Variants in SNTG1 observed in about 807,000 individuals in gnomAD.
SNTG1 encodes the protein gamma-1-syntrophin.
Under a neutral mutation model 74.7 loss-of-function variants are expected in SNTG1, and 39 were observed. That is an observed-to-expected ratio of 0.52 (90% confidence interval 0.40 to 0.68). The LOEUF (loss-of-function observed/expected upper bound fraction) is 0.68. Ranked by LOEUF, SNTG1 falls within the 30% of genes least tolerant of loss-of-function variation. SNTG1 has a pLI of 0.00. For missense variants in SNTG1, 685 were observed against 609.5 expected, an observed-to-expected ratio of 1.12 and a Z score of -1.30; for synonymous variants, 254 against 217.1, an observed-to-expected ratio of 1.17 and a Z score of -1.49.
intron 1 of SNTG1, among the ~76,000 whole-genome samples, chr8:50,028,847 G>T (rs925385988): frequency 6.6e-6 from 1 of 151,810 alleles, no homozygotes; most frequent in Non-Finnish European, 1.5e-5. Flanking sequence ...TTCCATTATT[G>T]TCTTAATTTG....
intron 1 of SNTG1, among the ~76,000 whole-genome samples, chr8:50,014,079 G>A (rs950090185): frequency 5.9e-5 from 9 of 152,078 alleles, no homozygotes; most frequent in East Asian, 3.8e-4. Context: ...CAGCAGGCCC[G>A]GTGATGTTTT....
intron 2 of SNTG1, among the ~76,000 whole-genome samples, chr8:50,282,173 G>T (rs1165679041): frequency 6.6e-6 from 1 of 152,010 alleles, no homozygotes; most frequent in African/African-American, 2.4e-5. Flanking sequence ...CCAGAGAAAT[G>T]TCAGCCCCAA....
chr8:50,558,253 G>T (rs1374529217), intron 12 of SNTG1, among the ~76,000 whole-genome samples: 1 of 152,180 alleles, frequency 6.6e-6, no homozygotes, highest in Non-Finnish European at 1.5e-5. Context: ...CAGCTGCATG[G>T]CCAGGGGGGC....
At chr8:50,742,054 T>C (rs1274215029) in intron 17 of SNTG1, among the ~76,000 whole-genome samples, 1 of 151,992 alleles carries the variant, frequency 6.6e-6, no homozygotes, top group African/African-American at 2.4e-5. Flanking sequence ...TCGTAGATTA[T>C]AACAAATGCA....
intron 1 of SNTG1, among the ~76,000 whole-genome samples, chr8:50,018,669 G>A (rs1816557526): frequency 6.6e-6 from 1 of 151,958 alleles, no homozygotes; most frequent in Admixed American, 6.6e-5. Context: ...AAAAACTTGT[G>A]TATCAAAGAG....
chr8:50,033,723 G>A (rs1310091677), intron 1 of SNTG1, among the ~76,000 whole-genome samples: 7 of 151,912 alleles, frequency 4.6e-5, no homozygotes, highest in Non-Finnish European at 8.8e-5. Flanking sequence ...TTGTAAGAAC[G>A]CCAGTCAGAT....
chr8:50,376,750 TATATATAG>T lies in SNTG1; in HGVS notation c.-27-17460_-27-17453del, dbSNP rs1427958041. ...TAAATTATATATATATATATATATA[TATATATAG>T]AGAGAGAGAGAGAGAGAGAGAGAGA... On this transcript the variant is annotated intron_variant, in intron 2 of 18. Transcript: ENST00000642720. Among the ~76,000 whole-genome samples, 315 of 102,736 alleles carry T rather than the reference TATATATAG, an allele frequency of 3.1e-3. 1 individual carries two copies. The highest frequency in any genetic ancestry group is 7.5e-3 in the South Asian group (23 of 3,058). The allele number at this position is 102,736 out of a possible 152,430, so 67.4% of individuals were successfully genotyped here. A position where few individuals can be genotyped will look rare whatever the true frequency, so the allele number is the denominator to read the frequency against.
Position 50,558,013 on chromosome 8 carries a change from G to A in SNTG1, c.810+4834G>A, listed in dbSNP as rs114303060. On this transcript the variant is annotated intron_variant, in intron 12 of 18. Transcript: ENST00000642720. ...GGGAGTTCCCCACTCTTACTGGATC[G>A]CAGCATCACTCTCTTTGGTCTTCTC... 9.9e-4 allele frequency among the ~76,000 whole-genome samples: 151 copies of A among 152,196 alleles called. 1 individual carries two copies. Among genetic ancestry groups the A allele is most frequent in the African/African-American group, 3.2e-3 (131 of 41,536 alleles).
chr8:50,223,186 A>G (rs549763268), intron 2 of SNTG1, among the ~76,000 whole-genome samples: 1 of 152,278 alleles, frequency 6.6e-6, no homozygotes, highest in Non-Finnish European at 1.5e-5. Context: ...TAATGGGTAT[A>G]GGTTTATTTC....
intron 15 of SNTG1, among the ~76,000 whole-genome samples, chr8:50,697,746 G>A (rs1254334199): frequency 1.3e-5 from 2 of 152,028 alleles, no homozygotes; most frequent in Admixed American, 6.6e-5. Context: ...ATTTATTTGT[G>A]TGCATATGTT....
rs141911281 is a variant in SNTG1 at position 50,437,566 on chromosome 8, G to A, written c.163-977G>A. The stretch of plus-strand genomic sequence containing the variant: ...GGAAGCAATTCATCTGTAAGAAAGA[G>A]GGCAGTATTTACATTTGGAAATGGA... On this transcript the variant is annotated intron_variant, in intron 4 of 18. Coordinates refer to ENST00000642720, the MANE Select transcript of SNTG1 (RefSeq NM_018967.5). Among the ~76,000 whole-genome samples the A allele has an allele frequency of 2.6e-3, 389 of 152,230 alleles. 1 individual carries two copies. Among genetic ancestry groups the A allele is most frequent in the African/African-American group, 8.9e-3 (372 of 41,566 alleles).
chr8:50,394,254 G>A lies in SNTG1; in HGVS notation c.16G>A (p.Ala6Thr), dbSNP rs764592457. 12 of 1,612,770 alleles carry A rather than the reference G, an allele frequency of 7.4e-6. No individual in the cohort carries two copies. The highest frequency in any genetic ancestry group is 3.3e-5 in the Admixed American group (2 of 59,894). Reference sequence around the variant, plus strand: ...GCCACAGCACATGGATTTCAGAACCGCCTGTGAGGAGGTGAGTACAGAGCT... The same window carrying A: ...GCCACAGCACATGGATTTCAGAACCACCTGTGAGGAGGTGAGTACAGAGCT... The part of the protein sequence containing the change: MDFRT[A>T]CEETKTGICL... Residue 6 changes from alanine to threonine, a missense_variant, in exon 3 of 19, where the codon GCC (alanine) becomes ACC (threonine). By Grantham distance (58) the Ala-to-Thr change is moderately conservative. Coordinates refer to ENST00000642720, the MANE Select transcript of SNTG1 (RefSeq NM_018967.5).
At chr8:50,021,084 A>C (rs1030469677) in intron 1 of SNTG1, among the ~76,000 whole-genome samples, 1 of 152,164 alleles carries the variant, frequency 6.6e-6, no homozygotes, top group South Asian at 2.1e-4. Context: ...CCACAGTTCC[A>C]GGTATTGCTT....
intron 4 of SNTG1, among the ~76,000 whole-genome samples, chr8:50,437,756 G>T (rs1273551590): frequency 6.6e-6 from 1 of 152,164 alleles, no homozygotes; most frequent in Non-Finnish European, 1.5e-5. Context: ...CAGCCCTATA[G>T]CATGCCTCCG....
chr8:50,546,789 A>G (rs1008293448), intron 11 of SNTG1, among the ~76,000 whole-genome samples: 4 of 151,934 alleles, frequency 2.6e-5, no homozygotes, highest in African/African-American at 7.3e-5. Flanking sequence ...TCATTGTTGG[A>G]CATTTGGGTT....
rs373217222 is a variant in SNTG1, at chr8:50,590,842, T to C, written c.811-37T>C. On this transcript the variant is annotated intron_variant, in intron 12 of 18. Transcript: ENST00000642720. Reference sequence around the variant, plus strand: ...CTGGGGACCTTGTGTTACCATCTATTGTTCTTCTCACTTTTATTATTTATT... The same window carrying C: ...CTGGGGACCTTGTGTTACCATCTATCGTTCTTCTCACTTTTATTATTTATT... 6.2e-5 allele frequency: 86 copies of C among 1,392,296 alleles called. No individual in the cohort carries two copies. In the African/African-American group the frequency reaches 8.2e-4, roughly 13 times the overall value. 86.2% of individuals were successfully genotyped at this position (1,392,296 alleles called of 1,614,324 possible). A position where few individuals can be genotyped will look rare whatever the true frequency, so the allele number is the denominator to read the frequency against.
At chr8:50,408,138 A>G (rs2092903133) in intron 4 of SNTG1, among the ~76,000 whole-genome samples, 1 of 152,330 alleles carries the variant, frequency 6.6e-6, no homozygotes, top group East Asian at 1.9e-4. Context: ...ATGTCTTAGC[A>G]GAAATCAGGT....
At chr8:50,115,708 G>T (rs2080796459) in intron 1 of SNTG1, among the ~76,000 whole-genome samples, 3 of 151,878 alleles carry the variant, frequency 2.0e-5, no homozygotes, top group Admixed American at 2.0e-4. Context: ...TGTGTGTCTA[G>T]AACTTTATTG....
At chr8:50,129,592 T>C (rs1407865131) in intron 1 of SNTG1, among the ~76,000 whole-genome samples, 1 of 152,144 alleles carries the variant, frequency 6.6e-6, no homozygotes, top group African/African-American at 2.4e-5. Flanking sequence ...TTTGGATTCA[T>C]ACCGTCTTGG....
Sources: gnomAD v4.1 joint callset for allele counts (sites outside exome capture counted in the v4.1 genomes callset) on GRCh38, gnomAD v4.1.1 for gene constraint, MANE v1.5 for transcripts, NCBI Gene and HGNC (gene_info 2026-07-23, HGNC 2026-07-21) for gene names.